OSBPL5: variants seen among roughly 807,000 people sequenced by gnomAD.
The protein encoded by OSBPL5 is oxysterol-binding protein-related protein 5.
A neutral mutation model predicts 111.2 loss-of-function variants in OSBPL5; 71 were observed. The observed-to-expected ratio is 0.64, with a 90% CI of 0.53 to 0.78. The LOEUF is 0.78. Ranked by LOEUF, OSBPL5 falls within the 30% of genes least tolerant of loss-of-function variation. The pLI is 0.00. For synonymous variants in OSBPL5, 549 were observed against 513.9 expected (o/e 1.07, Z -0.93); for missense variants, 1,210 against 1,189.3 (o/e 1.02, Z -0.26).
chr11:3,147,841 C>T (rs146187571), intron 1 of OSBPL5, among the ~76,000 whole-genome samples: 288 of 152,284 alleles, frequency 1.9e-3, no homozygotes, highest in Non-Finnish European at 3.4e-3. Flanking sequence ...GGAGTTGATG[C>T]GAGTGACCCG....
At chr11:3,155,444 C>A (rs1429642102) in intron 1 of OSBPL5, among the ~76,000 whole-genome samples, 1 of 150,608 alleles carries the variant, frequency 6.6e-6, no homozygotes, top group Non-Finnish European at 1.5e-5. Context: ...CACCCCAGCT[C>A]TGCCACTCAC....
intron 7 of OSBPL5, among the ~76,000 whole-genome samples, chr11:3,112,473 CT>C (rs556463241): frequency 5.5e-4 from 27 of 48,652 alleles, no homozygotes; most frequent in Admixed American, 2.3e-3. Flanking sequence ...TTTGTGTTTT[CT>C]TTTCTTTTTT....
chr11:3,143,701 G>T lies in OSBPL5; in HGVS notation c.-21-14532C>A, dbSNP rs183728718. On this transcript the variant is annotated intron_variant, in intron 1 of 21. Coordinates refer to ENST00000263650, the MANE Select transcript of OSBPL5 (RefSeq NM_020896.4). The stretch of plus-strand genomic sequence containing the variant: ...CTGGTGCTTGCCAGGGCCCGGCCCG[G>T]TTCTGTCCCGGTTTCCTGGGGCTCT... 1.6e-3 allele frequency among the ~76,000 whole-genome samples: 251 copies of T among 152,374 alleles called. 2 individuals carry two copies. Among genetic ancestry groups the T allele is most frequent in the Admixed American group, 0.014 (209 of 15,306 alleles).
At position 3,141,795 on chromosome 11, in the gene OSBPL5, C is replaced by T. The variant is rs1323470700; in HGVS notation, c.-21-12626G>A. 5.7e-5 allele frequency among the ~76,000 whole-genome samples: 8 copies of T among 141,478 alleles called. No individual in the cohort carries two copies. The highest frequency in any genetic ancestry group is 1.0e-4 in the African/African-American group (4 of 39,674). The allele number at this position is 141,478 out of a possible 152,430, so 92.8% of individuals were successfully genotyped here. The stretch of plus-strand genomic sequence containing the variant: ...AGTAGGAACACCCACCCCCCACCCG[C>T]CTCCCACCCAGTGCAGGGACTGGGA... On this transcript the variant is annotated intron_variant, in intron 1 of 21. Coordinates refer to ENST00000263650, the MANE Select transcript of OSBPL5 (RefSeq NM_020896.4). This position sits in a 1 kb window ranked among gnomAD's most constrained non-coding sequence, Gnocchi z 6.5.
At chr11:3,145,328 C>T (rs1279735063) in intron 1 of OSBPL5, among the ~76,000 whole-genome samples, 1 of 152,200 alleles carries the variant, frequency 6.6e-6, no homozygotes, top group Non-Finnish European at 1.5e-5. Context: ...TGTGCCACCT[C>T]AGCAGGGCCC....
chr11:3,157,564 C>T (rs538565729), intron 1 of OSBPL5, among the ~76,000 whole-genome samples: 1 of 152,240 alleles, frequency 6.6e-6, no homozygotes, highest in Admixed American at 6.5e-5. Context: ...ACTGGGGTGG[C>T]TCCACAGGCC....
In OSBPL5 at chr11:3,117,513, T is replaced by C. The variant is rs1374783635; in HGVS notation, c.691+2034A>G. Reference sequence around the variant, plus strand: ...AACTAATTACTCTTGCTGCACTGTATATAAATAATTAGTCCAAGTATAATA... The same window carrying C: ...AACTAATTACTCTTGCTGCACTGTACATAAATAATTAGTCCAAGTATAATA... On this transcript the variant is annotated intron_variant, in intron 7 of 21. Coordinates refer to ENST00000263650, the MANE Select transcript of OSBPL5 (RefSeq NM_020896.4). Among the ~76,000 whole-genome samples the C allele has an allele frequency of 2.6e-5, 4 of 152,232 alleles. No individual in the cohort carries two copies. The East Asian group carries it at 7.7e-4, about 29-fold the overall frequency.
At chr11:3,098,897 T>G (rs1413520995) in intron 14 of OSBPL5, among the ~76,000 whole-genome samples, 1 of 151,222 alleles carries the variant, frequency 6.6e-6, no homozygotes, top group Non-Finnish European at 1.5e-5. Flanking sequence ...CTCTGCCCCC[T>G]GGGCTCAGGT....
chr11:3,089,944 A>G lies in OSBPL5; in HGVS notation c.2403T>C (p.Gly801=), dbSNP rs999136706. 1.3e-6 allele frequency: 2 copies of G among 1,542,968 alleles called. No homozygotes were observed. The highest frequency in any genetic ancestry group is 2.7e-5 in the African/African-American group (2 of 73,280). The change falls in exon 21 of 22, where the codon GGT becomes GGC. Residue 801 remains glycine, a synonymous_variant. Transcript: ENST00000263650. ...EEQDGDFVPG[G]ESPCPRCRKE... is the part of the protein sequence containing the mutation. ...TCCTGCACCGAGGGCATGGGCTCTC[A>G]CCGCCTGGGACGGCCCCGAGTGAGA... is the stretch of plus-strand genomic sequence containing the variant.
At chr11:3,158,852 C>T (rs1291082059) in intron 1 of OSBPL5, among the ~76,000 whole-genome samples, 2 of 152,152 alleles carry the variant, frequency 1.3e-5, no homozygotes, top group Non-Finnish European at 2.9e-5. Flanking sequence ...GCCAGGGCCT[C>T]GGGAGTGAAG....
At chr11:3,147,435 G>A (rs1445351164) in intron 1 of OSBPL5, among the ~76,000 whole-genome samples, 1 of 152,266 alleles carries the variant, frequency 6.6e-6, no homozygotes, top group Non-Finnish European at 1.5e-5. Flanking sequence ...GACAAGGCCT[G>A]CTTCCAGCCT....
rs1857657330 is a variant in OSBPL5 at position 3,105,367 on chromosome 11, GGT to G, written c.1060-992_1060-991del. Among the ~76,000 whole-genome samples, 1 of 152,122 alleles carries G rather than the reference GGT, an allele frequency of 6.6e-6. No homozygotes were observed. Among genetic ancestry groups the G allele is most frequent in the African/African-American group, 2.4e-5 (1 of 41,424 alleles). ...GCACGCATGGCCACGGACAGATCCT[GGT>G]GGCACTGGCCCAGTGGACAGTGTGT... On this transcript the variant is annotated intron_variant, in intron 9 of 21. Coordinates refer to ENST00000263650, the MANE Select transcript of OSBPL5 (RefSeq NM_020896.4). The surrounding 1 kb of genome is among the most constrained non-coding windows in gnomAD (Gnocchi z 5.2).
chr11:3,155,737 A>G (rs1356971947), intron 1 of OSBPL5, among the ~76,000 whole-genome samples: 1 of 152,240 alleles, frequency 6.6e-6, no homozygotes, highest in African/African-American at 2.4e-5. Flanking sequence ...CACTACGCCG[A>G]CAGTTCACTT....
At chr11:3,088,944 G>C (rs1307518499) in intron 21 of OSBPL5, among the ~76,000 whole-genome samples, 1 of 152,176 alleles carries the variant, frequency 6.6e-6, no homozygotes, top group Non-Finnish European at 1.5e-5. Context: ...CTTGCCGGCA[G>C]TACTCTGCTG....
At chr11:3,124,837 T>C (rs1322675830) in intron 3 of OSBPL5, among the ~76,000 whole-genome samples, 1 of 151,824 alleles carries the variant, frequency 6.6e-6, no homozygotes, top group Admixed American at 6.6e-5. Flanking sequence ...GATGGATGGA[T>C]GGACGCATGA....
rs1265834753 is a variant in OSBPL5 at position 3,155,505 on chromosome 11, CCACTCACCCCAGGTCTGCCACT to C, written c.-22+9689_-22+9710del. 4.0e-4 allele frequency among the ~76,000 whole-genome samples: 57 copies of C among 142,744 alleles called. 3 individuals are homozygous for C. Among genetic ancestry groups the C allele is most frequent in the Non-Finnish European group, 4.0e-4 (26 of 65,024 alleles). The allele number at this position is 142,744 out of a possible 152,430, so 93.6% of individuals were successfully genotyped here. On this transcript the variant is annotated intron_variant, in intron 1 of 21. Coordinates refer to ENST00000263650, the MANE Select transcript of OSBPL5 (RefSeq NM_020896.4). ...AGCTTTGCCACTCCCCCCAGCTCTG[CCACTCACCCCAGGTCTGCCACT>C]CACTCACCCCAGCTCTGCCACTCAC...
intron 1 of OSBPL5, among the ~76,000 whole-genome samples, chr11:3,139,489 G>T (rs1482798453): frequency 1.3e-5 from 2 of 152,212 alleles, no homozygotes; most frequent in African/African-American, 4.8e-5. Context: ...TTCTGGGAAA[G>T]GCAGGGAGGA....
At chr11:3,123,646 C>T (rs1159394360) in intron 3 of OSBPL5, among the ~76,000 whole-genome samples, 2 of 152,240 alleles carry the variant, frequency 1.3e-5, no homozygotes, top group Non-Finnish European at 2.9e-5. Flanking sequence ...GCGAGGAAAG[C>T]CTCCCTCAGG....
chr11:3,109,119 G>A lies in OSBPL5; in HGVS notation c.692-1174C>T, dbSNP rs540475665. Among the ~76,000 whole-genome samples the A allele has an allele frequency of 5.9e-5, 9 of 151,280 alleles. No homozygotes were observed. The highest frequency in any genetic ancestry group is 1.2e-4 in the Non-Finnish European group (8 of 67,902). On this transcript the variant is annotated intron_variant, in intron 7 of 21. Coordinates refer to ENST00000263650, the MANE Select transcript of OSBPL5 (RefSeq NM_020896.4). The surrounding 1 kb of genome is among the most constrained non-coding windows in gnomAD (Gnocchi z 7.4). ...TTTTGTTGTTTTGAGATGGAGTCTC[G>A]CTCTGTCACCCAGGCTGGAGTGCAG... is the stretch of plus-strand genomic sequence containing the variant.
Sources: allele counts gnomAD v4.1 joint callset (sites outside exome capture counted in the v4.1 genomes callset), GRCh38; gene constraint gnomAD v4.1.1; non-coding constraint Gnocchi (gnomAD v3.1); transcripts MANE v1.5; gene names NCBI Gene and HGNC (gene_info 2026-07-23, HGNC 2026-07-21).